Variants in ADAMTS3 observed in about 807,000 individuals in gnomAD.
The protein encoded by ADAMTS3 is A disintegrin and metalloproteinase with thrombospondin motifs 3.
ADAMTS3 carries 73 observed loss-of-function variants against 129.0 expected under a neutral mutation model. The observed-to-expected ratio is 0.57, with a 90% CI of 0.47 to 0.69. The LOEUF (loss-of-function observed/expected upper bound fraction) is 0.69, where lower values mean the gene tolerates loss of function less well. Ranked by LOEUF, ADAMTS3 falls within the 30% of genes least tolerant of loss-of-function variation. The pLI, the probability that ADAMTS3 is intolerant of heterozygous loss-of-function variation, is 0.00. For missense variants in ADAMTS3, 1,457 were observed against 1,514.5 expected (o/e 0.96, Z 0.63); for synonymous variants, 477 against 510.8 (o/e 0.93, Z 0.89).
intron 4 of ADAMTS3, among the ~76,000 whole-genome samples, chr4:72,387,136 A>T (rs1721469082): frequency 6.6e-6 from 1 of 152,214 alleles, no homozygotes; most frequent in Non-Finnish European, 1.5e-5. Flanking sequence ...TGTTTTTTAC[A>T]TTCTGACTCT....
intron 18 of ADAMTS3, 119 bp downstream of exon 18, chr4:72,298,158 A>T: frequency 1.4e-6 from 1 of 727,052 alleles, no homozygotes; most frequent in Admixed American, 2.7e-5. Context: ...TGATGTTTTG[A>T]TGGTTATGTT....
chr4:72,546,035 C>T lies in ADAMTS3; in HGVS notation c.504+2443G>A, dbSNP rs184532762. On this transcript the variant is annotated intron_variant, in intron 3 of 21. Coordinates refer to ENST00000286657, the MANE Select transcript of ADAMTS3 (RefSeq NM_014243.3). ...CTGCAGCTAGACTTACTAAAATAGG[C>T]ATGGCAAGAATATGTTTTTGAAGGG... is the stretch of plus-strand genomic sequence containing the variant. Among the ~76,000 whole-genome samples, 9 of 152,240 alleles carry T rather than the reference C, an allele frequency of 5.9e-5. No homozygotes were observed. The East Asian group carries it at 1.7e-3, about 29-fold the overall frequency.
intron 3 of ADAMTS3, among the ~76,000 whole-genome samples, chr4:72,500,912 C>A (rs1388099152): frequency 6.6e-6 from 1 of 152,062 alleles, no homozygotes; most frequent in African/African-American, 2.4e-5. Flanking sequence ...TTTTAAAGAT[C>A]AGATGGCTGT....
intron 3 of ADAMTS3, among the ~76,000 whole-genome samples, chr4:72,547,952 C>G (rs1162933110): frequency 2.0e-5 from 3 of 152,154 alleles, no homozygotes; most frequent in African/African-American, 7.2e-5. Flanking sequence ...AGCCACCGCA[C>G]AGAAAGTACT....
chr4:72,475,611 A>G (rs984881154), intron 3 of ADAMTS3, among the ~76,000 whole-genome samples: 4 of 152,100 alleles, frequency 2.6e-5, no homozygotes, highest in Admixed American at 6.5e-5. Context: ...TAGACAAAAA[A>G]TTAGCAAGAA....
chr4:72,505,949 C>A (rs1720149297), intron 3 of ADAMTS3, among the ~76,000 whole-genome samples: 1 of 152,172 alleles, frequency 6.6e-6, no homozygotes, highest in Non-Finnish European at 1.5e-5. Flanking sequence ...GCACCAACAT[C>A]TCTGAACAAA....
intron 4 of ADAMTS3, among the ~76,000 whole-genome samples, chr4:72,350,932 C>T (rs1460797769): frequency 6.6e-6 from 1 of 151,824 alleles, no homozygotes; most frequent in Non-Finnish European, 1.5e-5. Context: ...GGCTCTTCTC[C>T]CATTCTCAGT....
intron 3 of ADAMTS3, among the ~76,000 whole-genome samples, chr4:72,546,722 AC>A (rs1721476977): frequency 6.6e-6 from 1 of 152,208 alleles, no homozygotes; most frequent in Non-Finnish European, 1.5e-5. Context: ...ATTGTAGACC[AC>A]AAAATATGAT....
chr4:72,339,751 C>T, intron 4 of ADAMTS3, 58 bp from the exon 5 acceptor site: 1 of 1,401,024 alleles, frequency 7.1e-7, no homozygotes, highest in Non-Finnish European at 1.0e-6. Flanking sequence ...CTTCCAATCA[C>T]TTCTTAGAAA....
chr4:72,405,669 A>C (rs1722032983), intron 4 of ADAMTS3, among the ~76,000 whole-genome samples: 1 of 152,070 alleles, frequency 6.6e-6, no homozygotes. Flanking sequence ...TAATTAGAAG[A>C]AGGAAAATAC....
intron 4 of ADAMTS3, among the ~76,000 whole-genome samples, chr4:72,377,692 C>G (rs758495551): frequency 1.2e-4 from 18 of 152,140 alleles, no homozygotes; most frequent in Admixed American, 9.2e-4. Flanking sequence ...CCTTGGGCTG[C>G]TTAGGTCTAC....
At chr4:72,503,614 T>A (rs1283012920) in intron 3 of ADAMTS3, among the ~76,000 whole-genome samples, 2 of 152,194 alleles carry the variant, frequency 1.3e-5, no homozygotes, top group African/African-American at 4.8e-5. Flanking sequence ...GTCTATCAGC[T>A]CCAATTGGTC....
intron 4 of ADAMTS3, among the ~76,000 whole-genome samples, chr4:72,392,362 T>C (rs1721617160): frequency 6.6e-6 from 1 of 152,164 alleles, no homozygotes; most frequent in Non-Finnish European, 1.5e-5. Context: ...ATCTATTTTC[T>C]CCATGTATAG....
At chr4:72,291,241 G>A (rs1241179889) in intron 19 of ADAMTS3, among the ~76,000 whole-genome samples, 179 bp from the exon 20 acceptor site, 3 of 151,896 alleles carry the variant, frequency 2.0e-5, no homozygotes, top group Non-Finnish European at 2.9e-5. Flanking sequence ...ACAATAGTAG[G>A]CTGAAACTTT....
intron 3 of ADAMTS3, among the ~76,000 whole-genome samples, chr4:72,495,128 A>G (rs894570834): frequency 2.6e-5 from 4 of 152,162 alleles, no homozygotes; most frequent in African/African-American, 9.7e-5. Flanking sequence ...CTAAGGCCTG[A>G]GTGTGCTAAG....
At position 72,518,931 on chromosome 4, in the gene ADAMTS3, C is replaced by G. The variant is rs912711737; in HGVS notation, c.504+29547G>C. On this transcript the variant is annotated intron_variant, in intron 3 of 21. Transcript: ENST00000286657. ...TTAGTTGACGCAGTTTCTTCCTAGT[C>G]TCAATGGTCTTTACATTTTGGCATG... is the stretch of plus-strand genomic sequence containing the variant. 1.2e-4 allele frequency among the ~76,000 whole-genome samples: 18 copies of G among 152,222 alleles called. 1 individual carries two copies. Among genetic ancestry groups the G allele is most frequent in the African/African-American group, 4.1e-4 (17 of 41,530 alleles).
intron 4 of ADAMTS3, among the ~76,000 whole-genome samples, chr4:72,352,968 T>C (rs1289335137): frequency 6.6e-6 from 1 of 151,962 alleles, no homozygotes. Context: ...CAGGCCAGAT[T>C]TCCTGGGGCA....
chr4:72,559,871 AGC>A (rs1721859036), intron 2 of ADAMTS3, among the ~76,000 whole-genome samples: 1 of 151,792 alleles, frequency 6.6e-6, no homozygotes, highest in Non-Finnish European at 1.5e-5. Context: ...ACCAAAAAAG[AGC>A]TCATATAGCC....
At chr4:72,346,643 A>T (rs9997853) in intron 4 of ADAMTS3, among the ~76,000 whole-genome samples, 1 of 152,072 alleles carries the variant, frequency 6.6e-6, no homozygotes, top group Non-Finnish European at 1.5e-5. Context: ...AAATTAAAAT[A>T]TAAGATAAAC....
Sources: gnomAD v4.1 joint callset for allele counts (sites outside exome capture counted in the v4.1 genomes callset) on GRCh38, gnomAD v4.1.1 for gene constraint, MANE v1.5 for transcripts, NCBI Gene and HGNC (gene_info 2026-07-23, HGNC 2026-07-21) for gene names.